The following TNRC6A variants were observed in gnomAD, a reference collection of about 807,000 sequenced individuals.
TNRC6A encodes the protein trinucleotide repeat-containing gene 6A protein.
In TNRC6A, 44 loss-of-function variants were observed where a neutral mutation model predicts 221.2. The ratio of observed to expected loss-of-function variants is 0.20; its 90% CI spans 0.16 to 0.26. The LOEUF (loss-of-function observed/expected upper bound fraction) is 0.26. TNRC6A is among the 10% of genes least tolerant of loss of function. The pLI is 1.00. For missense variants in TNRC6A, 2,199 were observed against 2,404.4 expected (o/e 0.91, Z 1.79); for synonymous variants, 847 against 838.5 (o/e 1.01, Z -0.18).
chr16:24,821,967 A>G, intron 22 of TNRC6A, 110 bp from the exon 23 acceptor site: 1 of 1,014,052 alleles, frequency 9.9e-7, no homozygotes, highest in Non-Finnish European at 1.5e-6. Flanking sequence ...CCTCCCATGT[A>G]GAAGTGCAAG....
intron 1 of TNRC6A, among the ~76,000 whole-genome samples, chr16:24,628,699 C>T (rs192227854): frequency 5.9e-4 from 90 of 152,140 alleles, no homozygotes; most frequent in Admixed American, 1.8e-3. Flanking sequence ...ACGTGTTAAC[C>T]GACTGTTTAT....
At chr16:24,672,932 G>A (rs1379191058) in intron 2 of TNRC6A, among the ~76,000 whole-genome samples, 1 of 152,098 alleles carries the variant, frequency 6.6e-6, no homozygotes, top group Non-Finnish European at 1.5e-5. Flanking sequence ...TGGGCACAGT[G>A]GCTCATACCT....
intron 12 of TNRC6A, 31 bp from the exon 13 acceptor site, chr16:24,804,674 G>C: frequency 6.5e-7 from 1 of 1,550,100 alleles, no homozygotes; most frequent in Non-Finnish European, 8.7e-7. Context: ...TGCTTGGCTG[G>C]TGTTGCACAT....
At chr16:24,686,395 G>T (rs1467909394) in intron 2 of TNRC6A, among the ~76,000 whole-genome samples, 1 of 152,220 alleles carries the variant, frequency 6.6e-6, no homozygotes, top group African/African-American at 2.4e-5. Context: ...TCCTTGTTAT[G>T]CCCCATTTTC....
At chr16:24,757,516 C>T (rs887073707) in intron 3 of TNRC6A, among the ~76,000 whole-genome samples, 3 of 152,048 alleles carry the variant, frequency 2.0e-5, no homozygotes, top group African/African-American at 7.2e-5. Flanking sequence ...TTCAGGATTC[C>T]CATAATATTG....
chr16:24,688,844 G>A (rs2055693592), intron 2 of TNRC6A, among the ~76,000 whole-genome samples: 1 of 152,168 alleles, frequency 6.6e-6, no homozygotes, highest in South Asian at 2.1e-4. Flanking sequence ...TCAGAATCAG[G>A]ACTTTATGGA....
chr16:24,646,990 G>A (rs1026430499), intron 2 of TNRC6A, among the ~76,000 whole-genome samples: 2 of 106,180 alleles, frequency 1.9e-5, no homozygotes, highest in Non-Finnish European at 3.8e-5. Flanking sequence ...GTGTGGTGGT[G>A]CGGATTGACC....
chr16:24,804,114 T>G (rs2058381160), intron 11 of TNRC6A, 63 bp from the exon 12 acceptor site: 2 of 1,514,446 alleles, frequency 1.3e-6, no homozygotes, highest in Admixed American at 2.4e-5. Context: ...GCTTTTGTTG[T>G]AAATTTATCT....
At chr16:24,621,083 C>CAAAA (rs56266931) in intron 1 of TNRC6A, among the ~76,000 whole-genome samples, 8 of 42,698 alleles carry the variant, frequency 1.9e-4, no homozygotes, top group African/African-American at 5.5e-4. Flanking sequence ...GACGCCGTCT[C>CAAAA]AAAAAAAAAA....
intron 2 of TNRC6A, among the ~76,000 whole-genome samples, chr16:24,659,110 C>T (rs538379308): frequency 2.5e-4 from 38 of 152,190 alleles, no homozygotes; most frequent in African/African-American, 8.7e-4. Flanking sequence ...GGACCCATTG[C>T]ACCCCACCAT....
intron 2 of TNRC6A, among the ~76,000 whole-genome samples, chr16:24,712,945 GTGTGTGTGTGTGTA>G (rs1168586444): frequency 6.7e-6 from 1 of 150,302 alleles, no homozygotes; most frequent in Non-Finnish European, 1.5e-5. Flanking sequence ...GTGTGTGTGT[GTGTGTGTGTGTGTA>G]TAGAGGTGAG....
intron 21 of TNRC6A, among the ~76,000 whole-genome samples, chr16:24,819,919 A>T (rs2058733798): frequency 6.6e-6 from 1 of 152,200 alleles, no homozygotes. Flanking sequence ...CATAGGTCTT[A>T]CAGCTGTTAG....
At chr16:24,799,343 C>T (rs1567496241) in intron 11 of TNRC6A, among the ~76,000 whole-genome samples, 1 of 152,200 alleles carries the variant, frequency 6.6e-6, no homozygotes, top group Non-Finnish European at 1.5e-5. Context: ...GACTACTCAC[C>T]TTCCATATGT....
At chr16:24,636,643 A>G (rs751887450) in intron 1 of TNRC6A, among the ~76,000 whole-genome samples, 18 of 152,286 alleles carry the variant, frequency 1.2e-4, no homozygotes, top group Non-Finnish European at 5.9e-5. Flanking sequence ...AGGTAGAGCC[A>G]CTAAGCCTGG....
chr16:24,825,337 A>G lies in TNRC6A; in HGVS notation c.*1530A>G, dbSNP rs1467105435. Reference sequence around the variant, plus strand: ...CTAACTGTTTGTGTCCTAAGATGCAAAAGAAGTCAGTGGCTTTTAACTGTT... The same window carrying G: ...CTAACTGTTTGTGTCCTAAGATGCAGAAGAAGTCAGTGGCTTTTAACTGTT... On this transcript the variant is annotated 3_prime_UTR_variant, in exon 25 of 25. Transcript: ENST00000395799. The G allele has an allele frequency of 2.0e-5, 3 of 152,654 alleles. No homozygotes were observed. Among genetic ancestry groups the G allele is most frequent in the Non-Finnish European group, 2.9e-5 (2 of 68,056 alleles). The allele number at this position is 152,654 out of a possible 1,614,324, so 9.5% of individuals were successfully genotyped here. A position where few individuals can be genotyped will look rare whatever the true frequency, so the allele number is the denominator to read the frequency against.
chr16:24,632,463 C>T (rs576862492), intron 1 of TNRC6A, among the ~76,000 whole-genome samples: 2 of 152,300 alleles, frequency 1.3e-5, no homozygotes, highest in African/African-American at 4.8e-5. Context: ...GTTCCTCTGG[C>T]CCTGCCTTCC....
intron 2 of TNRC6A, among the ~76,000 whole-genome samples, chr16:24,745,913 G>C (rs1029027893): frequency 2.0e-5 from 3 of 150,688 alleles, no homozygotes; most frequent in Non-Finnish European, 4.4e-5. Context: ...TTAGATTTTC[G>C]CAACAGTCTT....
intron 1 of TNRC6A, among the ~76,000 whole-genome samples, chr16:24,631,308 A>G (rs1264137971): frequency 6.6e-6 from 1 of 152,088 alleles, no homozygotes; most frequent in East Asian, 1.9e-4. Context: ...CAGTTTGCCT[A>G]TCCAGTGGCC....
chr16:24,792,989 A>G (rs758890988), intron 6 of TNRC6A, among the ~76,000 whole-genome samples: 10 of 151,992 alleles, frequency 6.6e-5, no homozygotes, highest in Non-Finnish European at 8.8e-5. Flanking sequence ...AGGTTTTGCC[A>G]TGTTGCCCAG....
Sources: gnomAD v4.1 joint callset for allele counts (sites outside exome capture counted in the v4.1 genomes callset) on GRCh38, gnomAD v4.1.1 for gene constraint, MANE v1.5 for transcripts, NCBI Gene and HGNC (gene_info 2026-07-23, HGNC 2026-07-21) for gene names.